Variants in GAB2 observed in about 807,000 individuals in gnomAD.
GAB2 encodes the protein GRB2 associated binding protein 2.
A neutral mutation model predicts 65.5 loss-of-function variants in GAB2; 26 were observed. That is an observed-to-expected ratio of 0.40 (90% CI 0.29 to 0.55). GAB2 has a LOEUF of 0.55. GAB2 is among the 20% of genes least tolerant of loss of function. The pLI is 0.53. For missense variants in GAB2, 884 were observed against 875.8 expected (o/e 1.01, Z -0.12); for synonymous variants, 321 against 329.6 (o/e 0.97, Z 0.28).
Position 78,399,047 on chromosome 11 carries a change from T to A in GAB2, c.75+18599A>T, listed in dbSNP as rs192386452. Among the ~76,000 whole-genome samples, 116 of 152,264 alleles carry A rather than the reference T, an allele frequency of 7.6e-4. No individual in the cohort carries two copies. In the East Asian group the frequency reaches 0.014, roughly 18 times the overall value. Reference sequence around the variant, plus strand: ...TGATACTAAAAAATACCCTAATTGATCACTTTGAAGGATCCTAAGGAACTC... The same window carrying A: ...TGATACTAAAAAATACCCTAATTGAACACTTTGAAGGATCCTAAGGAACTC... On this transcript the variant is annotated intron_variant, in intron 1 of 9. Transcript: ENST00000361507.
At chr11:78,407,155 GAAGA>G (rs1857055414) in intron 1 of GAB2, among the ~76,000 whole-genome samples, 1 of 152,162 alleles carries the variant, frequency 6.6e-6, no homozygotes, top group Admixed American at 6.5e-5. Flanking sequence ...TGGAAGAAGA[GAAGA>G]AAGAGGGTAG....
intron 1 of GAB2, among the ~76,000 whole-genome samples, chr11:78,332,384 G>C (rs1359453088): frequency 1.3e-5 from 2 of 152,136 alleles, no homozygotes; most frequent in African/African-American, 4.8e-5. Flanking sequence ...GCCTGGGGGA[G>C]AAGCTTATAG....
intron 1 of GAB2, among the ~76,000 whole-genome samples, chr11:78,290,150 G>A (rs1866618197): frequency 1.3e-5 from 2 of 152,138 alleles, no homozygotes; most frequent in Admixed American, 6.5e-5. Flanking sequence ...AAGCTGTTGC[G>A]ATAGTCTGCA....
chr11:78,335,420 T>A (rs1855981351), intron 1 of GAB2, among the ~76,000 whole-genome samples: 2 of 152,232 alleles, frequency 1.3e-5, no homozygotes, highest in African/African-American at 4.8e-5. Flanking sequence ...TTTTTGTATA[T>A]GGTGAAAGAT....
chr11:78,398,177 T>C (rs190954555), intron 1 of GAB2, among the ~76,000 whole-genome samples: 66 of 152,330 alleles, frequency 4.3e-4, no homozygotes, highest in Admixed American at 1.6e-3. Context: ...AGAACTCCAA[T>C]TGGCATGTTC....
intron 1 of GAB2, among the ~76,000 whole-genome samples, chr11:78,317,342 C>G (rs538212194): frequency 6.6e-6 from 1 of 152,040 alleles, no homozygotes; most frequent in African/African-American, 2.4e-5. Flanking sequence ...GTGGACAGAT[C>G]GTAAGTTAAG....
chr11:78,238,584 CA>C (rs549933779), intron 3 of GAB2, among the ~76,000 whole-genome samples: 2 of 144,150 alleles, frequency 1.4e-5, no homozygotes, highest in Non-Finnish European at 3.0e-5. Context: ...AGTCAACCCA[CA>C]AGAACAAAGT....
intron 1 of GAB2, among the ~76,000 whole-genome samples, chr11:78,335,805 G>C (rs996454198): frequency 6.6e-6 from 1 of 152,086 alleles, no homozygotes; most frequent in Non-Finnish European, 1.5e-5. Flanking sequence ...GGAATGCATT[G>C]AATCTATAGA....
At chr11:78,254,379 G>A (rs971955263) in intron 2 of GAB2, among the ~76,000 whole-genome samples, 2 of 152,164 alleles carry the variant, frequency 1.3e-5, no homozygotes, top group African/African-American at 4.8e-5. Flanking sequence ...AAATCAGAGA[G>A]GTTTTAAGGT....
intron 1 of GAB2, among the ~76,000 whole-genome samples, chr11:78,376,527 C>T (rs926458754): frequency 3.3e-5 from 5 of 152,208 alleles, no homozygotes. Context: ...GCTCTTGCTA[C>T]AGCTTTTTCA....
At chr11:78,349,465 A>T (rs938641154) in intron 1 of GAB2, among the ~76,000 whole-genome samples, 24 of 152,352 alleles carry the variant, frequency 1.6e-4, no homozygotes, top group Non-Finnish European at 3.2e-4. Flanking sequence ...TAAAGAACTC[A>T]TTGAAAGTCA....
chr11:78,283,452 C>A (rs1866383733), intron 1 of GAB2, among the ~76,000 whole-genome samples: 1 of 152,198 alleles, frequency 6.6e-6, no homozygotes, highest in South Asian at 2.1e-4. Context: ...AAAAGTTTGA[C>A]TTGATCCCAC....
intron 3 of GAB2, among the ~76,000 whole-genome samples, chr11:78,246,969 A>G (rs979957680): frequency 1.3e-5 from 2 of 152,166 alleles, no homozygotes; most frequent in Admixed American, 6.5e-5. Flanking sequence ...AGACTCACAT[A>G]GTTTCATTCC....
At chr11:78,251,422 G>A (rs955670656) in intron 2 of GAB2, among the ~76,000 whole-genome samples, 1 of 152,144 alleles carries the variant, frequency 6.6e-6, no homozygotes, top group Non-Finnish European at 1.5e-5. Context: ...GAGGTATTAA[G>A]GACGGATAAT....
At chr11:78,357,626 A>G (rs896208758) in intron 1 of GAB2, among the ~76,000 whole-genome samples, 6 of 152,240 alleles carry the variant, frequency 3.9e-5, no homozygotes, top group African/African-American at 7.2e-5. Context: ...ACACTTCTCA[A>G]AAGAAGATAT....
intron 1 of GAB2, among the ~76,000 whole-genome samples, chr11:78,329,019 C>T (rs1040936972): frequency 6.6e-6 from 1 of 152,016 alleles, no homozygotes; most frequent in African/African-American, 2.4e-5. Flanking sequence ...CTGCAATTTA[C>T]TTTAAATGCT....
At chr11:78,360,965 A>C (rs1478535674) in intron 1 of GAB2, among the ~76,000 whole-genome samples, 1 of 152,222 alleles carries the variant, frequency 6.6e-6, no homozygotes, top group Non-Finnish European at 1.5e-5. Context: ...AGCAGAGGAC[A>C]CTATTACAAC....
intron 1 of GAB2, among the ~76,000 whole-genome samples, chr11:78,394,443 T>G (rs1414644132): frequency 6.6e-6 from 1 of 152,146 alleles, no homozygotes; most frequent in African/African-American, 2.4e-5. Context: ...TAATGTGCTG[T>G]ATTTTGGGGT....
At chr11:78,309,480 TTTA>T (rs1201872856) in intron 1 of GAB2, among the ~76,000 whole-genome samples, 3 of 140,164 alleles carry the variant, frequency 2.1e-5, no homozygotes, top group Non-Finnish European at 1.6e-5. Context: ...TTTTTTTTTT[TTTA>T]AATTGAGACA....
Sources: allele counts gnomAD v4.1 joint callset (sites outside exome capture counted in the v4.1 genomes callset), GRCh38; gene constraint gnomAD v4.1.1; transcripts MANE v1.5; gene names NCBI Gene and HGNC (gene_info 2026-07-23, HGNC 2026-07-21).